MED19: variants seen among roughly 807,000 people sequenced by gnomAD.
MED19 encodes the protein mediator of RNA polymerase II transcription subunit 19.
In MED19, 4 loss-of-function variants were observed where a neutral mutation model predicts 19.9. The observed-to-expected ratio is 0.20, with a 90% CI of 0.10 to 0.46. The LOEUF is 0.46. Among genes scored for constraint, MED19 ranks in the 20% least tolerant of loss-of-function variants. The pLI is 0.99. For synonymous variants in MED19, 139 were observed against 119.6 expected (o/e 1.16, Z -1.06); for missense variants, 303 against 318.7 (o/e 0.95, Z 0.38).
chr11:57,709,745 G>GT (rs1946543195), intron 1 of MED19, among the ~76,000 whole-genome samples: 1 of 152,034 alleles, frequency 6.6e-6, no homozygotes, highest in South Asian at 2.1e-4. Flanking sequence ...ATTTTTTGTA[G>GT]AGATGGGGTC....
chr11:57,712,042 G>A, exon 1 of MED19: 1 of 1,537,210 alleles, frequency 6.5e-7, no homozygotes, highest in South Asian at 1.2e-5. Flanking sequence ...TGGCCGCGGT[G>A]GGAGGCGGGG....
Position 57,711,950 on chromosome 11 carries a change from G to A in MED19, c.217+13C>T. 1 of 1,431,446 alleles carries A rather than the reference G, an allele frequency of 7.0e-7. No homozygotes were observed. Among genetic ancestry groups the A allele is most frequent in the African/African-American group, 1.5e-5 (1 of 67,906 alleles). The allele number at this position is 1,431,446 out of a possible 1,614,324, so 88.7% of individuals were successfully genotyped here. A position where few individuals can be genotyped will look rare whatever the true frequency, so the allele number is the denominator to read the frequency against. Reference sequence around the variant, plus strand: ...GATTTGATTGGCTGGCTTTGGCAAGGCCGAGTACTCACCTGGCAGTTCCCT... The same window carrying A: ...GATTTGATTGGCTGGCTTTGGCAAGACCGAGTACTCACCTGGCAGTTCCCT... On this transcript the variant is annotated intron_variant, in intron 1 of 4. Transcript: ENST00000431606.
chr11:57,705,398 T>A (rs1334758967), intron 1 of MED19, among the ~76,000 whole-genome samples, 169 bp from the exon 2 acceptor site: 1 of 152,178 alleles, frequency 6.6e-6, no homozygotes, highest in Non-Finnish European at 1.5e-5. Flanking sequence ...ATGCCTGTAA[T>A]CCCAGAACTT....
chr11:57,710,383 G>C (rs1266739952), intron 1 of MED19, among the ~76,000 whole-genome samples: 1 of 152,102 alleles, frequency 6.6e-6, no homozygotes, highest in Non-Finnish European at 1.5e-5. Flanking sequence ...TTTTTAAATG[G>C]CTTCCTTTTG....
intron 1 of MED19, among the ~76,000 whole-genome samples, chr11:57,707,518 A>G (rs1245074874): frequency 6.6e-6 from 1 of 152,226 alleles, no homozygotes; most frequent in Non-Finnish European, 1.5e-5. Context: ...TGCTTAATAA[A>G]TATTTATTAA....
chr11:57,708,223 T>C (rs1293315292), intron 1 of MED19, among the ~76,000 whole-genome samples: 1 of 152,194 alleles, frequency 6.6e-6, no homozygotes, highest in Admixed American at 6.5e-5. Context: ...ACCCACATGT[T>C]CCAGATATTT....
At chr11:57,712,122 C>A (rs202123309) in exon 1 of MED19, 6 of 1,526,716 alleles carry the variant, frequency 3.9e-6, no homozygotes, top group Admixed American at 2.1e-5. Context: ...AAGCCGAGTG[C>A]GGTTGGGGGC....
At position 57,704,700 on chromosome 11, in the gene MED19, G is replaced by GTTTT; in HGVS notation, c.571+18_571+19insAAAA. ...TTTTTTTTTTTTTTTTTTTTGCTTT[G>GTTTT]AATAGAACTGCTTCTTACCTGGGGG... On this transcript the variant is annotated intron_variant, in intron 3 of 4. Transcript: ENST00000431606. The GTTTT allele has an allele frequency of 5.0e-6, 3 of 602,478 alleles. No individual in the cohort carries two copies. The highest frequency in any genetic ancestry group is 7.0e-6 in the Non-Finnish European group (3 of 431,378). The allele number at this position is 602,478 out of a possible 1,614,324, so 37.3% of individuals were successfully genotyped here.
Position 57,704,410 on chromosome 11 carries a change from T to C in MED19, c.572-14A>G. On this transcript the variant is annotated splice_polypyrimidine_tract_variant and intron_variant, in intron 3 of 4. Transcript: ENST00000431606. The stretch of plus-strand genomic sequence containing the variant: ...CAGATGGTGTTTCTGTAGGAGACAT[T>C]AGGTACCTATCACCTGTAAAGCTCA... 1 of 1,536,960 alleles carries C rather than the reference T, an allele frequency of 6.5e-7. No individual in the cohort carries two copies. Among genetic ancestry groups the C allele is most frequent in the Non-Finnish European group, 8.7e-7 (1 of 1,145,866 alleles).
At chr11:57,707,305 G>T (rs1319335284) in intron 1 of MED19, among the ~76,000 whole-genome samples, 1 of 151,918 alleles carries the variant, frequency 6.6e-6, no homozygotes, top group Non-Finnish European at 1.5e-5. Context: ...ACTTAATAAG[G>T]ACCTACTAGC....
intron 3 of MED19, 50 bp downstream of exon 3, chr11:57,704,669 G>GTTTTTTTTTTTTTTTTTT: frequency 1.7e-5 from 22 of 1,286,316 alleles, no homozygotes; most frequent in East Asian, 5.4e-5. Flanking sequence ...AGAAGGTCAG[G>GTTTTTTTTTTTTTTTTTT]TTTTTTTTTT....
exon 3 of MED19, chr11:57,704,772 T>C: frequency 6.2e-7 from 1 of 1,613,280 alleles, no homozygotes. Flanking sequence ...CTTATTCTTC[T>C]TCTTGGGAGG....
chr11:57,704,062 G>A, exon 5 of MED19: 1 of 1,536,142 alleles, frequency 6.5e-7, no homozygotes, highest in Non-Finnish European at 8.7e-7. Context: ...TGCTGCTGCT[G>A]GCCTGGGAGC....
At chr11:57,712,071 C>T in exon 1 of MED19, 1 of 1,531,568 alleles carries the variant, frequency 6.5e-7, no homozygotes, top group Non-Finnish European at 8.8e-7. Context: ...GGTCCCCCGC[C>T]CGCAGGAGGC....
At chr11:57,707,115 T>TCAA (rs1438386588) in intron 1 of MED19, among the ~76,000 whole-genome samples, 2 of 151,780 alleles carry the variant, frequency 1.3e-5, no homozygotes, top group Admixed American at 6.6e-5. Flanking sequence ...GAAGAACTGC[T>TCAA]TGAACCCGGG....
chr11:57,710,383 GCTTC>G (rs774434707), intron 1 of MED19, among the ~76,000 whole-genome samples: 2 of 152,102 alleles, frequency 1.3e-5, no homozygotes, highest in Non-Finnish European at 2.9e-5. Context: ...TTTTTAAATG[GCTTC>G]CTTTTGTATT....
At chr11:57,709,548 C>A (rs572382643) in intron 1 of MED19, among the ~76,000 whole-genome samples, 2 of 152,036 alleles carry the variant, frequency 1.3e-5, no homozygotes, top group Non-Finnish European at 2.9e-5. Context: ...ATTTCCTTCA[C>A]TTCTATATAC....
At chr11:57,703,957 C>G in exon 5 of MED19, 1 of 1,517,020 alleles carries the variant, frequency 6.6e-7, no homozygotes. Flanking sequence ...AAGGCAGTGT[C>G]CAAGAGCCTG....
chr11:57,711,470 C>G (rs1405357777), intron 1 of MED19, among the ~76,000 whole-genome samples: 1 of 152,146 alleles, frequency 6.6e-6, no homozygotes, highest in African/African-American at 2.4e-5. Flanking sequence ...TCTCCCGCCT[C>G]AGCCTCCCGA....
Sources: allele counts gnomAD v4.1 joint callset (sites outside exome capture counted in the v4.1 genomes callset), GRCh38; gene constraint gnomAD v4.1.1; transcripts MANE v1.5; gene names NCBI Gene and HGNC (gene_info 2026-07-23, HGNC 2026-07-21).